The following CCDC3 variants were observed in gnomAD, a reference collection of about 807,000 sequenced individuals.
The protein encoded by CCDC3 is coiled-coil domain containing 3, also known as coiled-coil domain-containing protein 3.
CCDC3 carries 24 observed loss-of-function variants against 21.4 expected under a neutral mutation model. That is an observed-to-expected ratio of 1.12 (90% CI 0.81 to 1.58). The LOEUF is 1.58. CCDC3 is among the 40% of genes most tolerant of loss of function. CCDC3 has a pLI of 0.00. For missense variants in CCDC3, 425 were observed against 360.9 expected, an observed-to-expected ratio of 1.18 and a Z score of -1.44; for synonymous variants, 186 against 166.0, an observed-to-expected ratio of 1.12 and a Z score of -0.93.
At chr10:12,965,590 C>T (rs1314592381) in intron 2 of CCDC3, among the ~76,000 whole-genome samples, 2 of 152,168 alleles carry the variant, frequency 1.3e-5, no homozygotes, top group East Asian at 3.8e-4. Flanking sequence ...CATAGAAAGG[C>T]AAATATATCT....
intron 2 of CCDC3, among the ~76,000 whole-genome samples, chr10:12,947,660 A>G (rs1373487005): frequency 6.6e-6 from 1 of 152,216 alleles, no homozygotes; most frequent in Non-Finnish European, 1.5e-5. Context: ...AGGCAACAGG[A>G]GCTGGACAAA....
chr10:13,040,464 G>A (rs560281924), intron 5 of CCDC3, among the ~76,000 whole-genome samples: 4 of 152,206 alleles, frequency 2.6e-5, no homozygotes, highest in African/African-American at 9.6e-5. Context: ...CAGCACTTTA[G>A]GAGGCCAAGG....
At chr10:12,943,748 T>C (rs1834871189) in intron 2 of CCDC3, among the ~76,000 whole-genome samples, 1 of 152,222 alleles carries the variant, frequency 6.6e-6, no homozygotes, top group Non-Finnish European at 1.5e-5. Context: ...CAAGCTTGTC[T>C]ATAAAACTCT....
At chr10:13,069,242 C>G (rs1659852) in intron 4 of CCDC3, among the ~76,000 whole-genome samples, 109,306 of 152,196 alleles carry the variant, frequency 0.72, 39,466 homozygotes, top group African/African-American at 0.78. Context: ...GCAACAAAGA[C>G]TGAAACTCTG....
chr10:12,976,294 G>C (rs530793244), intron 2 of CCDC3, among the ~76,000 whole-genome samples: 1 of 152,202 alleles, frequency 6.6e-6, no homozygotes, highest in Non-Finnish European at 1.5e-5. Context: ...GCATTCATTC[G>C]TTCATTCATT....
In CCDC3 at chr10:13,001,180, G is replaced by A. The variant is rs892784804; in HGVS notation, c.374+17C>T. 26 of 1,544,118 alleles carry A rather than the reference G, an allele frequency of 1.7e-5. No homozygotes were observed. The African/African-American group carries it at 2.5e-4, about 15-fold the overall frequency. On this transcript the variant is annotated intron_variant, in intron 1 of 2. Coordinates refer to ENST00000378825, the MANE Select transcript of CCDC3 (RefSeq NM_031455.4). ...CGCAGAGAGAGAGAGAGGTGGCGGCGGCGCCGCCGGGCTCACCTGAGGAAG... is the reference window on the plus strand; with the variant it reads ...CGCAGAGAGAGAGAGAGGTGGCGGCAGCGCCGCCGGGCTCACCTGAGGAAG...
intron 2 of CCDC3, among the ~76,000 whole-genome samples, chr10:12,900,577 G>T (rs563302286): frequency 3.5e-4 from 50 of 144,424 alleles, no homozygotes; most frequent in Non-Finnish European, 9.0e-5. Context: ...TGTAGTCCCA[G>T]CTACTCGGGA....
intron 3 of CCDC3, chr10:13,074,144 TATATA>T (rs1836921503): frequency 4.9e-5 from 1 of 20,420 alleles, no homozygotes; most frequent in Admixed American, 6.8e-4. Flanking sequence ...TATATATATA[TATATA>T]TATATTTTTT....
chr10:13,065,929 T>C (rs923623382), intron 4 of CCDC3, among the ~76,000 whole-genome samples: 2 of 152,174 alleles, frequency 1.3e-5, no homozygotes, highest in African/African-American at 4.8e-5. Context: ...AATTAATAAG[T>C]TCAGGAAAGA....
At chr10:12,979,758 A>C (rs1835467574) in intron 2 of CCDC3, among the ~76,000 whole-genome samples, 1 of 152,100 alleles carries the variant, frequency 6.6e-6, no homozygotes, top group African/African-American at 2.4e-5. Context: ...AACTTTGGCT[A>C]AATAAACCGC....
intron 4 of CCDC3, among the ~76,000 whole-genome samples, chr10:13,068,442 AC>A (rs1465852856): frequency 6.6e-6 from 1 of 152,206 alleles, no homozygotes; most frequent in African/African-American, 2.4e-5. Context: ...AAGCTGTGGT[AC>A]CTTTCAGTTC....
At chr10:12,922,470 C>G (rs1024813405) in intron 2 of CCDC3, among the ~76,000 whole-genome samples, 2 of 152,192 alleles carry the variant, frequency 1.3e-5, no homozygotes, top group African/African-American at 4.8e-5. Context: ...AACCTATTCT[C>G]TCCTCCACAA....
intron 5 of CCDC3, among the ~76,000 whole-genome samples, chr10:13,030,832 C>T (rs975824864): frequency 6.1e-4 from 93 of 152,284 alleles, no homozygotes; most frequent in Non-Finnish European, 1.2e-3. Flanking sequence ...CAGGAGCACC[C>T]AGATTCATAA....
chr10:12,929,025 A>C (rs1194373412), intron 2 of CCDC3, among the ~76,000 whole-genome samples: 1 of 152,222 alleles, frequency 6.6e-6, no homozygotes, highest in East Asian at 1.9e-4. Flanking sequence ...GCACTTTGGG[A>C]GGCCTAGGTG....
intron 2 of CCDC3, among the ~76,000 whole-genome samples, chr10:12,901,152 G>T (rs1456918638): frequency 3.9e-5 from 6 of 152,228 alleles, no homozygotes; most frequent in Admixed American, 1.3e-4. Flanking sequence ...TACAGCCTTT[G>T]TTGAGACTGG....
chr10:13,010,179 T>G (rs974748590), intron 5 of CCDC3, among the ~76,000 whole-genome samples: 9 of 151,464 alleles, frequency 5.9e-5, no homozygotes, highest in African/African-American at 2.2e-4. Context: ...ACCTGGGAGG[T>G]AGAGTTTGGA....
At chr10:12,948,795 T>TG (rs1330628768) in intron 2 of CCDC3, among the ~76,000 whole-genome samples, 1 of 128,950 alleles carries the variant, frequency 7.8e-6, no homozygotes, top group African/African-American at 2.9e-5. Context: ...TGCAGTGGCC[T>TG]ATCTCGGCTC....
intron 5 of CCDC3, among the ~76,000 whole-genome samples, chr10:13,025,389 G>A (rs940067024): frequency 6.6e-6 from 1 of 152,200 alleles, no homozygotes; most frequent in Non-Finnish European, 1.5e-5. Context: ...ATTGGCCAAA[G>A]CTCATCAGGT....
chr10:13,058,068 C>T, intron 4 of CCDC3: 1 of 754,878 alleles, frequency 1.3e-6, no homozygotes, highest in Non-Finnish European at 2.4e-6. Flanking sequence ...TAATCTGCAA[C>T]ATTCTGGCCC....
Sources: allele counts gnomAD v4.1 joint callset (sites outside exome capture counted in the v4.1 genomes callset), GRCh38; gene constraint gnomAD v4.1.1; transcripts MANE v1.5; gene names NCBI Gene and HGNC (gene_info 2026-07-23, HGNC 2026-07-21).